Variants in LETM2 observed in about 807,000 individuals in gnomAD.
The protein encoded by LETM2 is leucine zipper and EF-hand containing transmembrane protein 2, also known as LETM1 domain-containing protein LETM2, mitochondrial.
A neutral mutation model predicts 59.6 loss-of-function variants in LETM2; 58 were observed. That is an observed-to-expected ratio of 0.97 (90% CI 0.79 to 1.21). The LOEUF (loss-of-function observed/expected upper bound fraction) is 1.21, where lower values mean the gene tolerates loss of function less well. Ranked by LOEUF, LETM2 falls within the 50% of genes most tolerant of loss-of-function variation. The pLI, the probability that LETM2 is intolerant of heterozygous loss-of-function variation, is 0.00. For synonymous variants in LETM2, 199 were observed against 214.1 expected (o/e 0.93, Z 0.62); for missense variants, 572 against 575.7 (o/e 0.99, Z 0.07).
upstream of LETM2, chr8:38,382,976 C>G (rs917089104): frequency 6.6e-6 from 1 of 152,178 alleles, no homozygotes; most frequent in African/African-American, 2.4e-5. This position sits in a 1 kb window ranked among gnomAD's most constrained non-coding sequence, Gnocchi z 4.2. Flanking sequence ...GGCGCCGGCC[C>G]CGCGCGCCTC....
chr8:38,400,015 TG>T (rs1813052697), intron 4 of LETM2, among the ~76,000 whole-genome samples: 2 of 151,846 alleles, frequency 1.3e-5, no homozygotes, highest in African/African-American at 2.4e-5. Flanking sequence ...AGCCTCCCAT[TG>T]GGGGAACATT....
chr8:38,398,569 C>G (rs575525730), intron 4 of LETM2, among the ~76,000 whole-genome samples: 77 of 152,282 alleles, frequency 5.1e-4, no homozygotes, highest in African/African-American at 1.8e-3. Flanking sequence ...AAGTTTGTCT[C>G]TCCCACTACA....
At chr8:38,403,122 A>T (rs778858668) in intron 7 of LETM2, among the ~76,000 whole-genome samples, 13 of 152,162 alleles carry the variant, frequency 8.5e-5, no homozygotes, top group Non-Finnish European at 1.0e-4. Flanking sequence ...CTCATATGCC[A>T]GAGCTTCCTC....
rs1162267912 is a variant in LETM2, at chr8:38,408,425, C to G, written c.*151C>G. On this transcript the variant is annotated 3_prime_UTR_variant, in exon 11 of 11. Coordinates refer to ENST00000379957, the MANE Select transcript of LETM2 (RefSeq NM_001286819.2). The stretch of plus-strand genomic sequence containing the variant: ...AGTCCTTTGAGGCCTGGTAACCATT[C>G]CAGGTGATGTGGGTAGTGAGACCAA... The G allele has an allele frequency of 3.1e-6, 2 of 635,794 alleles. No individual in the cohort carries two copies. The highest frequency in any genetic ancestry group is 1.8e-5 in the African/African-American group (1 of 54,340). 39.4% of individuals were successfully genotyped at this position (635,794 alleles called of 1,614,324 possible). A position where few individuals can be genotyped will look rare whatever the true frequency, so the allele number is the denominator to read the frequency against.
intron 8 of LETM2, chr8:38,406,692 ATTATT>A (rs1813748460): frequency 2.7e-6 from 1 of 374,008 alleles, no homozygotes; most frequent in Admixed American, 4.2e-5. Context: ...ATTGCTAATG[ATTATT>A]TTAAATGCTA....
At chr8:38,402,785 G>C (rs1356000772) in intron 7 of LETM2, 141 bp downstream of exon 7, 2 of 783,856 alleles carry the variant, frequency 2.6e-6, no homozygotes, top group South Asian at 3.5e-5. Flanking sequence ...GATGCTGAAG[G>C]ACTAGGTTGA....
intron 2 of LETM2, among the ~76,000 whole-genome samples, chr8:38,388,310 C>T (rs1398723349): frequency 2.0e-5 from 3 of 151,678 alleles, no homozygotes; most frequent in Non-Finnish European, 4.4e-5. Context: ...GAACTCCTGA[C>T]CTTAGGTGAT....
At chr8:38,403,285 G>A (rs1563397049) in intron 7 of LETM2, among the ~76,000 whole-genome samples, 2 of 152,260 alleles carry the variant, frequency 1.3e-5, no homozygotes, top group African/African-American at 4.8e-5. Context: ...TCACACAGCA[G>A]CCAGAATACT....
At chr8:38,394,663 G>A (rs1222798994) in intron 4 of LETM2, among the ~76,000 whole-genome samples, 1 of 151,862 alleles carries the variant, frequency 6.6e-6, no homozygotes, top group African/African-American at 2.4e-5. Flanking sequence ...GTATCATAGT[G>A]AGACCCCATT....
At position 38,404,383 on chromosome 8, in the gene LETM2, C is replaced by A; in HGVS notation, c.1105-10C>A. 2 of 1,577,296 alleles carry A rather than the reference C, an allele frequency of 1.3e-6. No homozygotes were observed. The highest frequency in any genetic ancestry group is 1.7e-6 in the Non-Finnish European group (2 of 1,146,642). On this transcript the variant is annotated splice_polypyrimidine_tract_variant and intron_variant, in intron 7 of 10. Coordinates refer to ENST00000379957, the MANE Select transcript of LETM2 (RefSeq NM_001286819.2). ...TGATTCTCACGTGTTGTTCCCCTCC[C>A]GTTCTCCAGTGGCAGGACCTCCACC... is the stretch of plus-strand genomic sequence containing the variant.
chr8:38,390,649 C>G (rs1469693456), intron 2 of LETM2, among the ~76,000 whole-genome samples: 1 of 145,740 alleles, frequency 6.9e-6, no homozygotes, highest in Non-Finnish European at 1.5e-5. Context: ...AAAAAAGAAC[C>G]AAGACAAATT....
At chr8:38,388,691 G>GGA (rs1444999306) in intron 2 of LETM2, among the ~76,000 whole-genome samples, 18 of 148,594 alleles carry the variant, frequency 1.2e-4, no homozygotes, top group Non-Finnish European at 2.4e-4. Context: ...CTGCACTCCA[G>GGA]CTTGGGCAAC....
intron 6 of LETM2, 108 bp downstream of exon 6, chr8:38,401,161 A>C (rs186056898): frequency 1.1e-6 from 1 of 919,200 alleles, no homozygotes; most frequent in Non-Finnish European, 1.7e-6. Context: ...TTTGTTTTTG[A>C]GACAAAGTCT....
At chr8:38,398,925 A>C (rs755334575) in intron 4 of LETM2, among the ~76,000 whole-genome samples, 2 of 151,956 alleles carry the variant, frequency 1.3e-5, no homozygotes, top group Non-Finnish European at 2.9e-5. Context: ...TCACCGTGAC[A>C]GGCCAGGCTG....
At chr8:38,388,728 A>G (rs1051410929) in intron 2 of LETM2, among the ~76,000 whole-genome samples, 2 of 151,034 alleles carry the variant, frequency 1.3e-5, no homozygotes, top group Non-Finnish European at 3.0e-5. Flanking sequence ...CTCAAAAAAA[A>G]AAAAGAAAAG....
rs762021381 is a variant in LETM2 at position 38,407,038 on chromosome 8, G to A, written c.1311G>A (p.Lys437=). 5.1e-6 allele frequency: 8 copies of A among 1,577,482 alleles called. No homozygotes were observed. The highest frequency in any genetic ancestry group is 4.1e-5 in the African/African-American group (3 of 73,982). ...TTGCACCTCAACTGAAGGGAACTAA[G>A]GTTAGACAGTTACTTTCCATTTGGT... ...VDLAPQLKGT[K]DEDFIQPPPV... is the part of the protein sequence containing the mutation. The change falls in exon 9 of 11, where the codon AAG becomes AAA. Residue 437 remains lysine, a splice_region_variant and synonymous_variant. Coordinates refer to ENST00000379957, the MANE Select transcript of LETM2 (RefSeq NM_001286819.2).
At chr8:38,401,490 TG>T (rs1179072560) in intron 6 of LETM2, 1 of 185,664 alleles carries the variant, frequency 5.4e-6, no homozygotes, top group Non-Finnish European at 1.1e-5. Flanking sequence ...ACAAAATGAG[TG>T]GTTTAAACAA....
intron 4 of LETM2, among the ~76,000 whole-genome samples, chr8:38,398,810 C>G (rs1002196165): frequency 5.3e-5 from 8 of 151,476 alleles, no homozygotes; most frequent in Non-Finnish European, 1.0e-4. Flanking sequence ...GCATCCTCCC[C>G]CCAGGTTCAA....
At chr8:38,385,643 G>C (rs528791310), upstream of LETM2, among the ~76,000 whole-genome samples, 92 of 152,138 alleles carry the variant, frequency 6.0e-4, no homozygotes, top group Admixed American at 2.0e-3. Flanking sequence ...TGATCCGCCC[G>C]CCTCGGCCTC....
Sources: gnomAD v4.1 joint callset for allele counts (sites outside exome capture counted in the v4.1 genomes callset) on GRCh38, gnomAD v4.1.1 for gene constraint, Gnocchi (gnomAD v3.1) non-coding constraint, MANE v1.5 for transcripts, NCBI Gene and HGNC (gene_info 2026-07-23, HGNC 2026-07-21) for gene names.